Variants in PODXL2 observed in about 807,000 individuals in gnomAD.
PODXL2 encodes the protein podocalyxin-like protein 2.
In PODXL2, 17 loss-of-function variants were observed where a neutral mutation model predicts 53.4. That is an observed-to-expected ratio of 0.32 (90% CI 0.22 to 0.48). The LOEUF (loss-of-function observed/expected upper bound fraction) is 0.48, where lower values mean the gene tolerates loss of function less well. Among genes scored for constraint, PODXL2 ranks in the 20% least tolerant of loss-of-function variants. PODXL2 has a pLI of 0.99. For missense variants in PODXL2, 673 were observed against 760.0 expected (o/e 0.89, Z 1.35); for synonymous variants, 311 against 306.7 (o/e 1.01, Z -0.15).
chr3:127,668,513 G>A lies in PODXL2; in HGVS notation c.1279G>A (p.Gly427Ser). 1 of 1,578,418 alleles carries A rather than the reference G, an allele frequency of 6.3e-7. No homozygotes were observed. Among genetic ancestry groups the A allele is most frequent in the South Asian group, 1.2e-5 (1 of 84,752 alleles). The change falls in exon 5 of 8, where the codon GGC becomes AGC. Residue 427 changes from glycine to serine, a missense_variant. This residue lies in a region of PODXL2 where 588 missense variants were observed against 668.3 expected (regional missense o/e 0.88). Coordinates refer to ENST00000342480, the MANE Select transcript of PODXL2 (RefSeq NM_015720.4). ...AGAGGTGCTGCCCCGCCATGGCAGT[G>A]GCCACCATGGGGCCTGGCACATCTC... ...VEEVLPRHGS[G>S]HHGAWHISLS...
chr3:127,668,098 CTGCG>C (rs1481255707), intron 4 of PODXL2, among the ~76,000 whole-genome samples: 1,361 of 117,214 alleles, frequency 0.012, 28 homozygotes, highest in African/African-American at 0.041. Context: ...CTGTACATGG[CTGCG>C]TGTGTGTGTG....
chr3:127,649,856 G>C (rs961809848), intron 2 of PODXL2, among the ~76,000 whole-genome samples: 1 of 152,206 alleles, frequency 6.6e-6, no homozygotes, highest in Non-Finnish European at 1.5e-5. Context: ...AGAATTGCTT[G>C]AACGCAGGAG....
At chr3:127,669,907 G>A (rs1433172015) in intron 6 of PODXL2, among the ~76,000 whole-genome samples, 1 of 152,200 alleles carries the variant, frequency 6.6e-6, no homozygotes, top group East Asian at 1.9e-4. Flanking sequence ...CTCACTTCTT[G>A]AGGACAGCCA....
At chr3:127,658,406 CTTTTTTTTTTTTTT>C (rs60979669) in intron 2 of PODXL2, among the ~76,000 whole-genome samples, 7 of 87,394 alleles carry the variant, frequency 8.0e-5, no homozygotes, top group African/African-American at 2.9e-4. Flanking sequence ...TTTCCCATGT[CTTTTTTTTTTTTTT>C]TTTTTTTGGT....
intron 2 of PODXL2, among the ~76,000 whole-genome samples, chr3:127,650,262 T>C (rs72965792): frequency 0.037 from 5,648 of 152,290 alleles, 355 homozygotes; most frequent in African/African-American, 0.12. Context: ...CCAGAGTGAC[T>C]TCGATAAACT....
chr3:127,662,380 C>G, intron 4 of PODXL2, 69 bp downstream of exon 4: 1 of 1,282,042 alleles, frequency 7.8e-7, no homozygotes, highest in Non-Finnish European at 1.1e-6. Flanking sequence ...GGGCAGAGGG[C>G]AGGCTGGGGG....
Position 127,672,752 on chromosome 3 carries a change from T to C in PODXL2, c.*272T>C. On this transcript the variant is annotated 3_prime_UTR_variant, in exon 8 of 8. Transcript: ENST00000342480. Reference sequence around the variant, plus strand: ...CCCGCGGGCGGCGGGCGGCGCTTCCTGCGCCCCGGGACTCAATTAAACCCG... The same window carrying C: ...CCCGCGGGCGGCGGGCGGCGCTTCCCGCGCCCCGGGACTCAATTAAACCCG... 1 of 388,482 alleles carries C rather than the reference T, an allele frequency of 2.6e-6. No individual in the cohort carries two copies. The highest frequency in any genetic ancestry group is 4.5e-6 in the Non-Finnish European group (1 of 222,938). 24.1% of individuals were successfully genotyped at this position (388,482 alleles called of 1,614,324 possible).
chr3:127,629,187 G>A lies in PODXL2; in HGVS notation c.-33G>A. 2 of 979,914 alleles carry A rather than the reference G, an allele frequency of 2.0e-6. No individual in the cohort carries two copies. Among genetic ancestry groups the A allele is most frequent in the Non-Finnish European group, 1.2e-6 (1 of 827,718 alleles). 60.7% of individuals were successfully genotyped at this position (979,914 alleles called of 1,614,324 possible). A position where few individuals can be genotyped will look rare whatever the true frequency, so the allele number is the denominator to read the frequency against. Reference sequence around the variant, plus strand: ...CCCCTGACGCGGGCCCGGGCGCCGCGCCGCTGCGGCTGCAGGCGGCGACGG... The same window carrying A: ...CCCCTGACGCGGGCCCGGGCGCCGCACCGCTGCGGCTGCAGGCGGCGACGG... On this transcript the variant is annotated 5_prime_UTR_variant, in exon 1 of 8. Transcript: ENST00000342480. This position sits in a 1 kb window ranked among gnomAD's most constrained non-coding sequence, Gnocchi z 6.4.
At chr3:127,643,794 A>C (rs2074635972) in intron 2 of PODXL2, among the ~76,000 whole-genome samples, 1 of 151,718 alleles carries the variant, frequency 6.6e-6, no homozygotes, top group Non-Finnish European at 1.5e-5. Flanking sequence ...GTACCCCACC[A>C]CGCCTGGTTA....
chr3:127,634,819 A>T (rs920346632), intron 1 of PODXL2, among the ~76,000 whole-genome samples: 2 of 152,202 alleles, frequency 1.3e-5, no homozygotes, highest in African/African-American at 4.8e-5. Context: ...AGTCACACCT[A>T]CTGTGTCAGA....
chr3:127,653,067 T>A (rs1341676356), intron 2 of PODXL2, among the ~76,000 whole-genome samples: 1 of 152,116 alleles, frequency 6.6e-6, no homozygotes, highest in African/African-American at 2.4e-5. Flanking sequence ...TTTCTCTTCT[T>A]CCATTCCCAA....
chr3:127,672,542 A>ACGGCCCGGAGCCCGCAC lies in PODXL2; in HGVS notation c.*64_*80dup. 1.1e-5 allele frequency: 13 copies of ACGGCCCGGAGCCCGCAC among 1,130,744 alleles called. No homozygotes were observed. The highest frequency in any genetic ancestry group is 1.6e-5 in the Non-Finnish European group (13 of 834,684). The allele number at this position is 1,130,744 out of a possible 1,614,324, so 70.0% of individuals were successfully genotyped here. Reference sequence around the variant, plus strand: ...CCAAGCGAGGTGGACCCCGAAACGGACGGCCCGGAGCCCGCACCAGCCCCG... The same window carrying ACGGCCCGGAGCCCGCAC: ...CCAAGCGAGGTGGACCCCGAAACGGACGGCCCGGAGCCCGCACCGGCCCGGAGCCCGCACCAGCCCCG... On this transcript the variant is annotated 3_prime_UTR_variant, in exon 8 of 8. Coordinates refer to ENST00000342480, the MANE Select transcript of PODXL2 (RefSeq NM_015720.4).
At chr3:127,654,613 C>T (rs1020700221) in intron 2 of PODXL2, among the ~76,000 whole-genome samples, 2 of 152,202 alleles carry the variant, frequency 1.3e-5, no homozygotes, top group African/African-American at 4.8e-5. Context: ...TCCCCTCCTG[C>T]CCTGCCCTTT....
At chr3:127,652,179 C>G (rs2074693500) in intron 2 of PODXL2, among the ~76,000 whole-genome samples, 1 of 152,240 alleles carries the variant, frequency 6.6e-6, no homozygotes, top group South Asian at 2.1e-4. Flanking sequence ...AGCATCACAA[C>G]TTAGAGCAAG....
At position 127,631,370 on chromosome 3, in the gene PODXL2, T is replaced by C. The variant is rs184585632; in HGVS notation, c.70+2081T>C. Among the ~76,000 whole-genome samples the C allele has an allele frequency of 6.6e-5, 10 of 152,246 alleles. No homozygotes were observed. The East Asian group carries it at 1.9e-3, about 29-fold the overall frequency. ...CCGGGAGCAGATCACAGGGACTGAT[T>C]TGAAAAGGTAAGATAAAACATGAGG... On this transcript the variant is annotated intron_variant, in intron 1 of 7. Coordinates refer to ENST00000342480, the MANE Select transcript of PODXL2 (RefSeq NM_015720.4).
chr3:127,640,721 TAAA>T, intron 2 of PODXL2, among the ~76,000 whole-genome samples: 1 of 151,668 alleles, frequency 6.6e-6, no homozygotes, highest in Non-Finnish European at 1.5e-5. Flanking sequence ...TAAAATAAAA[TAAA>T]AAATAAAAAC....
chr3:127,667,798 CTG>C (rs1419924385), intron 4 of PODXL2, among the ~76,000 whole-genome samples: 1 of 152,240 alleles, frequency 6.6e-6, no homozygotes, highest in African/African-American at 2.4e-5. Context: ...GTTCCCATCT[CTG>C]TGTTTGCTCT....
intron 4 of PODXL2, among the ~76,000 whole-genome samples, chr3:127,665,014 G>A (rs994396258): frequency 3.3e-5 from 5 of 152,028 alleles, no homozygotes; most frequent in African/African-American, 1.2e-4. Context: ...TGTTTCCTCA[G>A]AACAAGAATA....
rs575394165 is a variant in PODXL2 at position 127,660,408 on chromosome 3, C to T, written c.380C>T (p.Ala127Val). 2 of 1,612,430 alleles carry T rather than the reference C, an allele frequency of 1.2e-6. No homozygotes were observed. The highest frequency in any genetic ancestry group is 8.5e-7 in the Non-Finnish European group (1 of 1,178,630). Residue 127 changes from alanine to valine, a missense_variant, in exon 3 of 8, where the codon GCA becomes GTA. By Grantham distance (64) the Ala-to-Val change is moderately conservative. Coordinates refer to ENST00000342480, the MANE Select transcript of PODXL2 (RefSeq NM_015720.4). Reference sequence around the variant, plus strand: ...GTTTTTCCTGACTTAACTGAGAAGGCAGGTTCCATTGAAGACACCAGCCAG... The same window carrying T: ...GTTTTTCCTGACTTAACTGAGAAGGTAGGTTCCATTGAAGACACCAGCCAG... ...DYVFPDLTEK[A>V]GSIEDTSQAQ...
Sources: allele counts gnomAD v4.1 joint callset (sites outside exome capture counted in the v4.1 genomes callset), GRCh38; gene constraint gnomAD v4.1.1; regional missense constraint gnomAD v4.1.1; non-coding constraint Gnocchi (gnomAD v3.1); transcripts MANE v1.5; gene names NCBI Gene and HGNC (gene_info 2026-07-23, HGNC 2026-07-21).